The following ULK4 variants were observed in gnomAD, a reference collection of about 807,000 sequenced individuals.
ULK4 encodes inactive serine/threonine-protein kinase ULK4.
A neutral mutation model predicts 160.6 loss-of-function variants in ULK4; 133 were observed. The observed-to-expected ratio is 0.83, with a 90% CI of 0.72 to 0.96. ULK4 has a LOEUF of 0.96. Among genes scored for constraint, ULK4 ranks in the 40% least tolerant of loss-of-function variants. ULK4 has a pLI of 0.00. For missense variants in ULK4, 1,580 were observed against 1,499.5 expected, an observed-to-expected ratio of 1.05 and a Z score of -0.89; for synonymous variants, 534 against 539.8, an observed-to-expected ratio of 0.99 and a Z score of 0.15.
chr3:41,271,882 T>C (rs3856751), intron 35 of ULK4, among the ~76,000 whole-genome samples: 37,995 of 152,010 alleles, frequency 0.25, 7,055 homozygotes, highest in African/African-American at 0.52. Flanking sequence ...ATGCTTCTCA[T>C]TCCTTTGTGC....
At chr3:41,912,972 A>C in intron 8 of ULK4, 73 bp from the exon 9 acceptor site, 2 of 1,337,344 alleles carry the variant, frequency 1.5e-6, no homozygotes, top group Non-Finnish European at 2.1e-6. Context: ...ACATGTCCCA[A>C]TTACACATAG....
chr3:41,358,173 C>T (rs545061770), intron 35 of ULK4, among the ~76,000 whole-genome samples: 1 of 152,276 alleles, frequency 6.6e-6, no homozygotes, highest in South Asian at 2.1e-4. Context: ...GAGTGGGCTC[C>T]GCAGAACAGA....
chr3:41,736,153 C>T (rs550249639), intron 22 of ULK4, among the ~76,000 whole-genome samples: 4 of 151,592 alleles, frequency 2.6e-5, no homozygotes, highest in Non-Finnish European at 4.4e-5. Flanking sequence ...AATAAACATA[C>T]GTGTGCATGT....
chr3:41,252,983 AG>A (rs2078769156), intron 35 of ULK4, among the ~76,000 whole-genome samples: 1 of 152,190 alleles, frequency 6.6e-6, no homozygotes, highest in South Asian at 2.1e-4. Context: ...TGAGGCCATT[AG>A]ATTTTAAGAT....
chr3:41,676,898 C>A (rs1014411636), intron 29 of ULK4, among the ~76,000 whole-genome samples: 3 of 143,590 alleles, frequency 2.1e-5, no homozygotes, highest in African/African-American at 5.3e-5. Flanking sequence ...TGCCTGCCCC[C>A]ACCCCCAACC....
chr3:41,572,723 G>C (rs930602159), intron 31 of ULK4, among the ~76,000 whole-genome samples: 41 of 146,556 alleles, frequency 2.8e-4, no homozygotes, highest in Non-Finnish European at 1.8e-4. Context: ...CCGAGATCGC[G>C]CCACTGCACT....
chr3:41,736,069 A>G (rs2038035770), intron 22 of ULK4, among the ~76,000 whole-genome samples: 1 of 151,014 alleles, frequency 6.6e-6, no homozygotes, highest in Admixed American at 6.6e-5. Context: ...TATGTGCCAC[A>G]TTTTCTTAAT....
At chr3:41,770,447 C>A (rs1432945465) in intron 21 of ULK4, among the ~76,000 whole-genome samples, 3 of 151,848 alleles carry the variant, frequency 2.0e-5, no homozygotes, top group Non-Finnish European at 4.4e-5. Context: ...CTTCCTAATG[C>A]TACAGATTAT....
intron 7 of ULK4, among the ~76,000 whole-genome samples, chr3:41,917,724 G>C (rs1699016689): frequency 6.6e-6 from 1 of 152,122 alleles, no homozygotes; most frequent in East Asian, 1.9e-4. Flanking sequence ...GCTCACGCCT[G>C]TAATCCCAGC....
At chr3:41,278,514 G>A (rs888519619) in intron 35 of ULK4, among the ~76,000 whole-genome samples, 12 of 152,156 alleles carry the variant, frequency 7.9e-5, no homozygotes, top group African/African-American at 2.9e-4. Context: ...TGACCCCTGT[G>A]TAGCCTGGCT....
intron 30 of ULK4, among the ~76,000 whole-genome samples, chr3:41,648,724 AG>A (rs1253828195): frequency 1.3e-5 from 2 of 152,130 alleles, no homozygotes; most frequent in African/African-American, 4.8e-5. Context: ...ATGTTGAGGG[AG>A]GAGGGTAGGA....
At chr3:41,780,150 G>A (rs562834165) in intron 21 of ULK4, among the ~76,000 whole-genome samples, 33 of 151,194 alleles carry the variant, frequency 2.2e-4, no homozygotes, top group Admixed American at 1.8e-3. Flanking sequence ...AGTCTCTACC[G>A]AAAATACAAA....
chr3:41,443,899 C>A (rs979805201), intron 34 of ULK4, among the ~76,000 whole-genome samples: 4 of 151,966 alleles, frequency 2.6e-5, no homozygotes, highest in African/African-American at 9.7e-5. Flanking sequence ...GTGAGTAGCA[C>A]AATATCTACC....
At chr3:41,276,177 G>C (rs7613114) in intron 35 of ULK4, among the ~76,000 whole-genome samples, 1 of 152,048 alleles carries the variant, frequency 6.6e-6, no homozygotes, top group Non-Finnish European at 1.5e-5. Context: ...CTGACTAGTT[G>C]GTTCTTTCAT....
chr3:41,953,053 GAATTACA>G (rs1700341299), intron 2 of ULK4, among the ~76,000 whole-genome samples: 1 of 151,620 alleles, frequency 6.6e-6, no homozygotes, highest in Non-Finnish European at 1.5e-5. Flanking sequence ...GAGAAATGAA[GAATTACA>G]GTTTAATGGG....
chr3:41,655,136 C>T (rs1339813920), intron 30 of ULK4, among the ~76,000 whole-genome samples: 1 of 151,576 alleles, frequency 6.6e-6, no homozygotes, highest in African/African-American at 2.4e-5. Flanking sequence ...TAGTAAGATG[C>T]CATCTCTACA....
intron 35 of ULK4, among the ~76,000 whole-genome samples, chr3:41,396,256 A>C (rs949052573): frequency 6.6e-6 from 1 of 152,012 alleles, no homozygotes; most frequent in Non-Finnish European, 1.5e-5. Context: ...TTATGATGTC[A>C]TTGCCTGAGT....
intron 35 of ULK4, among the ~76,000 whole-genome samples, chr3:41,382,411 T>C (rs1390845611): frequency 6.6e-6 from 1 of 152,224 alleles, no homozygotes; most frequent in Non-Finnish European, 1.5e-5. Flanking sequence ...CTTCATAATA[T>C]TGTTAAAAGA....
At chr3:41,827,305 A>T (rs2041396219) in intron 18 of ULK4, among the ~76,000 whole-genome samples, 1 of 151,596 alleles carries the variant, frequency 6.6e-6, no homozygotes, top group Non-Finnish European at 1.5e-5. Flanking sequence ...GAAATAACTA[A>T]GATCAGAGCA....
Sources: allele counts gnomAD v4.1 joint callset (sites outside exome capture counted in the v4.1 genomes callset), GRCh38; gene constraint gnomAD v4.1.1; transcripts MANE v1.5; gene names NCBI Gene and HGNC (gene_info 2026-07-23, HGNC 2026-07-21).